DLGAP2: variants seen among roughly 807,000 people sequenced by gnomAD.
DLGAP2 encodes disks large-associated protein 2.
In DLGAP2, 26 loss-of-function variants were observed where a neutral mutation model predicts 100.3. The observed-to-expected ratio is 0.26, with a 90% CI of 0.19 to 0.36. The LOEUF (loss-of-function observed/expected upper bound fraction) is 0.36. Among genes scored for constraint, DLGAP2 ranks in the 10% least tolerant of loss-of-function variants. DLGAP2 has a pLI of 1.00. For synonymous variants in DLGAP2, 886 were observed against 630.1 expected, an observed-to-expected ratio of 1.41 and a Z score of -6.08; for missense variants, 1,858 against 1,453.2, an observed-to-expected ratio of 1.28 and a Z score of -4.53.
At chr8:1,377,363 T>G (rs1452110643) in intron 3 of DLGAP2, among the ~76,000 whole-genome samples, 1 of 151,986 alleles carries the variant, frequency 6.6e-6, no homozygotes, top group Non-Finnish European at 1.5e-5. Context: ...GGTAATATGG[T>G]GAAACCCCGT....
At chr8:1,127,377 G>T (rs1358414153) in intron 2 of DLGAP2, among the ~76,000 whole-genome samples, 1 of 152,006 alleles carries the variant, frequency 6.6e-6, no homozygotes, top group African/African-American at 2.4e-5. Flanking sequence ...AGGTCTGGTG[G>T]CCCTGCATAT....
At position 1,641,996 on chromosome 8, in the gene DLGAP2, T is replaced by TC. The variant is rs1344359567; in HGVS notation, c.1810+8951dup. On this transcript the variant is annotated intron_variant, in intron 8 of 14. Transcript: ENST00000637795. ...CCGCCGGTCCCCACCTGTGTCACCC[T>TC]CGACCCCGCTGGTCCTCACCTGTGT... 1.1e-4 allele frequency among the ~76,000 whole-genome samples: 5 copies of TC among 44,480 alleles called. No individual in the cohort carries two copies. The East Asian group carries it at 1.6e-3, about 14-fold the overall frequency. 29.2% of individuals were successfully genotyped at this position (44,480 alleles called of 152,430 possible). A position where few individuals can be genotyped will look rare whatever the true frequency, so the allele number is the denominator to read the frequency against.
chr8:1,379,381 G>A (rs898768972), intron 3 of DLGAP2, among the ~76,000 whole-genome samples: 4 of 152,214 alleles, frequency 2.6e-5, no homozygotes, highest in African/African-American at 7.2e-5. Flanking sequence ...CACGTACGCC[G>A]ACATCCCTTA....
intron 2 of DLGAP2, among the ~76,000 whole-genome samples, chr8:1,189,286 G>C (rs1333601570): frequency 2.0e-5 from 3 of 152,272 alleles, no homozygotes; most frequent in Non-Finnish European, 4.4e-5. Context: ...CTGTCGCTCA[G>C]TGTCAAGGCC....
chr8:1,436,879 G>A (rs940342972), intron 3 of DLGAP2, among the ~76,000 whole-genome samples: 1 of 152,210 alleles, frequency 6.6e-6, no homozygotes, highest in Non-Finnish European at 1.5e-5. Flanking sequence ...TTTCTATGTG[G>A]AGACATGTTG....
intron 1 of DLGAP2, among the ~76,000 whole-genome samples, chr8:881,692 T>C (rs1480135318): frequency 7.7e-5 from 5 of 64,648 alleles, no homozygotes; most frequent in African/African-American, 2.2e-4. Context: ...CTTTTTTTTT[T>C]TTTTTTAGTA....
intron 3 of DLGAP2, among the ~76,000 whole-genome samples, chr8:1,372,365 G>A (rs1294181284): frequency 2.6e-5 from 4 of 152,178 alleles, no homozygotes; most frequent in Non-Finnish European, 5.9e-5. Flanking sequence ...AACACTTACC[G>A]AGGGCCGACT....
intron 1 of DLGAP2, among the ~76,000 whole-genome samples, chr8:815,101 C>T (rs957358110): frequency 5.9e-5 from 9 of 152,090 alleles, no homozygotes; most frequent in Non-Finnish European, 1.2e-4. Flanking sequence ...AGGGGGGTGT[C>T]GCAGTGCATG....
chr8:1,288,818 A>T (rs1185426653), intron 3 of DLGAP2, among the ~76,000 whole-genome samples: 1 of 150,832 alleles, frequency 6.6e-6, no homozygotes, highest in Non-Finnish European at 1.5e-5. Context: ...GTTTCGGTTC[A>T]GTGTGTGTGT....
chr8:1,339,429 G>A (rs997426995), intron 3 of DLGAP2, among the ~76,000 whole-genome samples: 8 of 152,222 alleles, frequency 5.3e-5, no homozygotes, highest in Admixed American at 1.3e-4. Context: ...CAGCAAGAAG[G>A]TGATTCCTGG....
chr8:1,095,319 C>G (rs527686718), intron 2 of DLGAP2, among the ~76,000 whole-genome samples: 1 of 152,314 alleles, frequency 6.6e-6, no homozygotes, highest in East Asian at 1.9e-4. Flanking sequence ...ACCGCTCTCT[C>G]CCCACCACCT....
chr8:1,563,426 G>T (rs1442781089), intron 5 of DLGAP2, among the ~76,000 whole-genome samples: 1 of 84,622 alleles, frequency 1.2e-5, no homozygotes, highest in African/African-American at 4.5e-5. Context: ...GTGGTGTTGG[G>T]GTGTCCGCGC....
chr8:922,193 G>C (rs1798729612), intron 2 of DLGAP2, among the ~76,000 whole-genome samples: 1 of 152,200 alleles, frequency 6.6e-6, no homozygotes, highest in African/African-American at 2.4e-5. Flanking sequence ...GTAAGGGTGT[G>C]AGCCAGATAA....
intron 2 of DLGAP2, among the ~76,000 whole-genome samples, chr8:1,044,328 T>C (rs916383262): frequency 2.0e-5 from 3 of 152,108 alleles, no homozygotes; most frequent in African/African-American, 7.2e-5. Context: ...AACTCAGCCG[T>C]CTGTGAATTT....
chr8:1,216,795 A>G (rs1373062869), intron 2 of DLGAP2, among the ~76,000 whole-genome samples: 1 of 152,152 alleles, frequency 6.6e-6, no homozygotes. Flanking sequence ...TGAATCTGTT[A>G]TGAAGTGAAC....
intron 2 of DLGAP2, among the ~76,000 whole-genome samples, chr8:1,050,935 G>A (rs1313624017): frequency 7.0e-6 from 1 of 142,668 alleles, no homozygotes; most frequent in African/African-American, 2.6e-5. Flanking sequence ...CGGTCATTTC[G>A]TGGGTGGGGG....
chr8:1,275,587 A>C (rs1799666405), intron 3 of DLGAP2, among the ~76,000 whole-genome samples: 1 of 150,860 alleles, frequency 6.6e-6, no homozygotes, highest in Admixed American at 6.7e-5. Flanking sequence ...CAAAGACAAA[A>C]AGATAATGCA....
intron 1 of DLGAP2, among the ~76,000 whole-genome samples, chr8:903,058 C>T (rs966094036): frequency 6.7e-6 from 1 of 149,378 alleles, no homozygotes; most frequent in Non-Finnish European, 1.5e-5. Context: ...GGCGGTGGGG[C>T]GGTTTGAGAC....
At chr8:876,189 C>T (rs1440399153) in intron 1 of DLGAP2, among the ~76,000 whole-genome samples, 1 of 152,034 alleles carries the variant, frequency 6.6e-6, no homozygotes, top group African/African-American at 2.4e-5. Context: ...TATGTTAATA[C>T]AGTCTTTTAT....
Sources: gnomAD v4.1 joint callset for allele counts (sites outside exome capture counted in the v4.1 genomes callset) on GRCh38, gnomAD v4.1.1 for gene constraint, MANE v1.5 for transcripts, NCBI Gene and HGNC (gene_info 2026-07-23, HGNC 2026-07-21) for gene names.